Variants in HIVEP3 observed in about 807,000 individuals in gnomAD.
HIVEP3 encodes HIVEP zinc finger 3.
A neutral mutation model predicts 152.8 loss-of-function variants in HIVEP3; 49 were observed. That is an observed-to-expected ratio of 0.32 (90% CI 0.26 to 0.41). The LOEUF is 0.41. Among genes scored for constraint, HIVEP3 ranks in the 10% least tolerant of loss-of-function variants. HIVEP3 has a pLI of 1.00. For synonymous variants in HIVEP3, 1,269 were observed against 1,289.0 expected (o/e 0.98, Z 0.33); for missense variants, 2,790 against 3,103.3 (o/e 0.90, Z 2.40).
chr1:41,559,920 G>A (rs556067455), intron 5 of HIVEP3, among the ~76,000 whole-genome samples: 1 of 152,344 alleles, frequency 6.6e-6, no homozygotes, highest in African/African-American at 2.4e-5. Context: ...TATAATCACA[G>A]TACTGTTATC....
At chr1:41,734,701 A>C (rs1234108183) in intron 1 of HIVEP3, among the ~76,000 whole-genome samples, 1 of 152,186 alleles carries the variant, frequency 6.6e-6, no homozygotes, top group Non-Finnish European at 1.5e-5. Flanking sequence ...GGCAGTAGGA[A>C]GTCCAGCCAG....
At chr1:41,617,509 C>T (rs1217235576) in intron 3 of HIVEP3, among the ~76,000 whole-genome samples, 2 of 152,220 alleles carry the variant, frequency 1.3e-5, no homozygotes, top group Non-Finnish European at 2.9e-5. Flanking sequence ...TTCAAAAGTT[C>T]CTCTGACAAG....
chr1:41,996,309 G>A (rs1645395515), intron 1 of HIVEP3, among the ~76,000 whole-genome samples: 2 of 151,774 alleles, frequency 1.3e-5, no homozygotes, highest in South Asian at 2.1e-4. Flanking sequence ...AGGACTGCTT[G>A]AGCACAAGAG....
chr1:41,539,819 G>A, intron 5 of HIVEP3, among the ~76,000 whole-genome samples: 1 of 152,180 alleles, frequency 6.6e-6, no homozygotes, highest in East Asian at 1.9e-4. Flanking sequence ...AGTCAACCAG[G>A]GTCATAGGTG....
intron 1 of HIVEP3, among the ~76,000 whole-genome samples, chr1:41,727,265 T>TGGGGCC (rs1646766416): frequency 6.6e-6 from 1 of 152,220 alleles, no homozygotes. Context: ...CCAGAGAGGC[T>TGGGGCC]AAGCAGGGAA....
At chr1:41,917,345 C>T (rs1454410287) in intron 1 of HIVEP3, among the ~76,000 whole-genome samples, 2 of 152,106 alleles carry the variant, frequency 1.3e-5, no homozygotes, top group Non-Finnish European at 2.9e-5. Context: ...TTAACAAAAC[C>T]GAAGCACTCC....
At chr1:41,563,051 T>A (rs1430435443) in intron 5 of HIVEP3, among the ~76,000 whole-genome samples, 2 of 151,760 alleles carry the variant, frequency 1.3e-5, no homozygotes, top group Non-Finnish European at 2.9e-5. Flanking sequence ...AGGGGTGCCA[T>A]AAAGAAATAG....
Position 41,584,115 on chromosome 1 carries a change from G to T in HIVEP3, c.683C>A (p.Ser228Tyr). The T allele has an allele frequency of 6.2e-7, 1 of 1,614,170 alleles. No individual in the cohort carries two copies. Reference protein sequence around the residue: ...RPYPCGPCGFSFKTKSNLYKH... With the variant: ...RPYPCGPCGFYFKTKSNLYKH... ...GTAGAGATTACTCTTGGTCTTGAAG[G>T]AGAAGCCACAGGGGCCGCAGGGGTA... The change falls in exon 4 of 9, where the codon TCC (serine) becomes TAC (tyrosine). Residue 228 changes from serine to tyrosine, a missense_variant. By Grantham distance (144) the Ser-to-Tyr change is moderately radical. Transcript: ENST00000372583. The surrounding 1 kb of genome is among the most constrained non-coding windows in gnomAD (Gnocchi z 5.2).
intron 2 of HIVEP3, among the ~76,000 whole-genome samples, chr1:41,634,135 AT>A (rs954097491): frequency 1.7e-4 from 26 of 151,072 alleles, no homozygotes; most frequent in African/African-American, 5.9e-4. Context: ...AAAAAAAAAA[AT>A]TACTCGAGGA....
intron 1 of HIVEP3, among the ~76,000 whole-genome samples, chr1:41,800,751 C>G (rs1481530614): frequency 6.6e-6 from 1 of 152,200 alleles, no homozygotes; most frequent in Non-Finnish European, 1.5e-5. Context: ...AAGAGCAAGG[C>G]AGGTGCCCCT....
At chr1:41,658,599 C>T (rs1463668118) in intron 2 of HIVEP3, among the ~76,000 whole-genome samples, 2 of 152,188 alleles carry the variant, frequency 1.3e-5, no homozygotes, top group Admixed American at 6.5e-5. Flanking sequence ...CCTCGGGAGG[C>T]AGGTTCTCCT....
At chr1:41,672,263 C>T (rs1158278692) in intron 2 of HIVEP3, among the ~76,000 whole-genome samples, 3 of 152,190 alleles carry the variant, frequency 2.0e-5, no homozygotes, top group Non-Finnish European at 2.9e-5. Context: ...ATACTCACTC[C>T]CCTCCCAGAC....
At chr1:41,957,722 T>C (rs1031874946) in intron 1 of HIVEP3, among the ~76,000 whole-genome samples, 4 of 152,338 alleles carry the variant, frequency 2.6e-5, no homozygotes, top group African/African-American at 9.6e-5. Flanking sequence ...ATAAGATGAA[T>C]ACCTAAAAGG....
At chr1:41,855,463 G>A (rs1643737615) in intron 1 of HIVEP3, among the ~76,000 whole-genome samples, 1 of 151,948 alleles carries the variant, frequency 6.6e-6, no homozygotes. Context: ...CTGACAAAGG[G>A]CTAATATCCA....
intron 1 of HIVEP3, among the ~76,000 whole-genome samples, chr1:41,716,447 A>ACCC (rs1163993687): frequency 6.6e-6 from 1 of 152,142 alleles, no homozygotes; most frequent in Non-Finnish European, 1.5e-5. Context: ...GGCTGGGGGC[A>ACCC]CCCACCATGT....
chr1:41,993,553 G>T (rs1408799877), intron 1 of HIVEP3, among the ~76,000 whole-genome samples: 1 of 152,182 alleles, frequency 6.6e-6, no homozygotes, highest in African/African-American at 2.4e-5. Flanking sequence ...CTGTTGGTGG[G>T]ACTGTAAACT....
intron 1 of HIVEP3, among the ~76,000 whole-genome samples, chr1:41,819,991 G>A (rs556632781): frequency 4.1e-4 from 63 of 152,132 alleles, no homozygotes; most frequent in African/African-American, 1.4e-3. Context: ...ATAGACAATA[G>A]CCATAGAAAA....
intron 1 of HIVEP3, among the ~76,000 whole-genome samples, chr1:41,749,045 G>C (rs1461217842): frequency 6.6e-6 from 1 of 152,144 alleles, no homozygotes. Flanking sequence ...ATATACACTT[G>C]TCTCTCTCTT....
At chr1:41,612,092 C>T (rs1313805106) in intron 3 of HIVEP3, among the ~76,000 whole-genome samples, 1 of 151,100 alleles carries the variant, frequency 6.6e-6, no homozygotes, top group Non-Finnish European at 1.5e-5. Context: ...TCCTCCCACT[C>T]CCACCCACCT....
Sources: allele counts gnomAD v4.1 joint callset (sites outside exome capture counted in the v4.1 genomes callset), GRCh38; gene constraint gnomAD v4.1.1; non-coding constraint Gnocchi (gnomAD v3.1); transcripts MANE v1.5; gene names NCBI Gene and HGNC (gene_info 2026-07-23, HGNC 2026-07-21).